Variants in PRKCB observed in about 807,000 individuals in gnomAD.
The protein encoded by PRKCB is protein kinase C beta type.
A neutral mutation model predicts 81.5 loss-of-function variants in PRKCB; 13 were observed. The ratio of observed to expected loss-of-function variants is 0.16; its 90% CI spans 0.10 to 0.25. The LOEUF (loss-of-function observed/expected upper bound fraction) is 0.25, where lower values mean the gene tolerates loss of function less well. Ranked by LOEUF, PRKCB falls within the 10% of genes least tolerant of loss-of-function variation. The pLI is 1.00. For missense variants in PRKCB, 509 were observed against 875.7 expected (o/e 0.58, Z 5.29); for synonymous variants, 335 against 321.4 (o/e 1.04, Z -0.45).
At chr16:23,840,749 T>C (rs940127927) in intron 2 of PRKCB, among the ~76,000 whole-genome samples, 1 of 152,092 alleles carries the variant, frequency 6.6e-6, no homozygotes, top group Non-Finnish European at 1.5e-5. Flanking sequence ...CTGCTATGGG[T>C]TGGGAGAGGA....
chr16:23,964,316 T>C (rs1258003232), intron 2 of PRKCB, among the ~76,000 whole-genome samples: 2 of 152,226 alleles, frequency 1.3e-5, no homozygotes, highest in East Asian at 3.8e-4. Flanking sequence ...ACTGAATTCA[T>C]ACACACAGAA....
chr16:23,988,092 C>G (rs2141821362), intron 2 of PRKCB, among the ~76,000 whole-genome samples: 1 of 152,282 alleles, frequency 6.6e-6, no homozygotes, highest in Non-Finnish European at 1.5e-5. Flanking sequence ...GAACACCTCT[C>G]TTAAGTGTGA....
At chr16:23,857,734 G>GT in intron 2 of PRKCB, among the ~76,000 whole-genome samples, 1 of 152,020 alleles carries the variant, frequency 6.6e-6, no homozygotes, top group South Asian at 2.1e-4. Context: ...GTGTGTGTGT[G>GT]GGTGTGTGCG....
intron 3 of PRKCB, among the ~76,000 whole-genome samples, chr16:24,023,268 G>A (rs1300196165): frequency 6.6e-6 from 1 of 152,228 alleles, no homozygotes; most frequent in Non-Finnish European, 1.5e-5. Context: ...GGGAGTGATG[G>A]CTTACAGGCC....
intron 5 of PRKCB, among the ~76,000 whole-genome samples, chr16:24,074,457 G>T (rs960353872): frequency 3.3e-5 from 5 of 152,188 alleles, no homozygotes; most frequent in Non-Finnish European, 7.3e-5. Flanking sequence ...TTCTTGTAAG[G>T]ATTCAATGAG....
intron 10 of PRKCB, among the ~76,000 whole-genome samples, chr16:24,166,545 A>G (rs1387759833): frequency 6.6e-6 from 1 of 152,230 alleles, no homozygotes; most frequent in Non-Finnish European, 1.5e-5. Context: ...ATACGTTAAA[A>G]CAAATACAAA....
chr16:24,085,310 G>T (rs1001748723), intron 5 of PRKCB, among the ~76,000 whole-genome samples: 1 of 152,126 alleles, frequency 6.6e-6, no homozygotes, highest in Non-Finnish European at 1.5e-5. Context: ...ACTTCACGTC[G>T]TCTATTATTC....
intron 8 of PRKCB, among the ~76,000 whole-genome samples, chr16:24,120,273 T>C (rs1268532681): frequency 6.6e-6 from 1 of 152,134 alleles, no homozygotes; most frequent in Admixed American, 6.5e-5. Flanking sequence ...TTGGGTTACA[T>C]GGGTGTGCAC....
At chr16:24,157,124 A>T (rs1282191482) in intron 10 of PRKCB, among the ~76,000 whole-genome samples, 2 of 152,212 alleles carry the variant, frequency 1.3e-5, no homozygotes, top group Non-Finnish European at 1.5e-5. Context: ...TTCTGGAATT[A>T]GAGAGTAGGG....
chr16:24,031,151 T>C (rs1965546629), intron 3 of PRKCB, among the ~76,000 whole-genome samples: 1 of 152,234 alleles, frequency 6.6e-6, no homozygotes, highest in Non-Finnish European at 1.5e-5. Flanking sequence ...CAAGTCTGCC[T>C]TTTACCACTG....
At chr16:24,177,487 A>T (rs1967553286) in intron 12 of PRKCB, among the ~76,000 whole-genome samples, 1 of 152,174 alleles carries the variant, frequency 6.6e-6, no homozygotes, top group South Asian at 2.1e-4. Flanking sequence ...ACTATAAATA[A>T]TGAAAATGAC....
intron 8 of PRKCB, among the ~76,000 whole-genome samples, chr16:24,122,096 CAAGT>C (rs1489518779): frequency 1.3e-5 from 2 of 152,124 alleles, no homozygotes; most frequent in African/African-American, 4.8e-5. Context: ...TAGAGAAAAT[CAAGT>C]AAGTAAGGCG....
At chr16:23,864,064 A>C (rs757977372) in intron 2 of PRKCB, among the ~76,000 whole-genome samples, 5 of 152,198 alleles carry the variant, frequency 3.3e-5, no homozygotes, top group Non-Finnish European at 7.3e-5. Flanking sequence ...GTTCCTTTGT[A>C]GGGCGACTAA....
At chr16:23,862,935 G>T (rs1351265844) in intron 2 of PRKCB, among the ~76,000 whole-genome samples, 1 of 149,086 alleles carries the variant, frequency 6.7e-6, no homozygotes, top group African/African-American at 2.6e-5. Flanking sequence ...CCGATATCTT[G>T]AGAACAAAGG....
chr16:24,126,433 C>T (rs1567384438), intron 9 of PRKCB, among the ~76,000 whole-genome samples: 1 of 152,162 alleles, frequency 6.6e-6, no homozygotes, highest in East Asian at 1.9e-4. Context: ...CTCTCTTGTC[C>T]AGGCTGGAAT....
intron 12 of PRKCB, among the ~76,000 whole-genome samples, chr16:24,177,053 C>G (rs1256270517): frequency 6.6e-6 from 1 of 152,176 alleles, no homozygotes; most frequent in Non-Finnish European, 1.5e-5. Flanking sequence ...GGACCTAACT[C>G]CTATGTGGGA....
intron 5 of PRKCB, among the ~76,000 whole-genome samples, chr16:24,060,571 G>A (rs1460464665): frequency 2.6e-5 from 4 of 152,322 alleles, no homozygotes; most frequent in South Asian, 2.1e-4. Context: ...CCCAAGCCAC[G>A]CAGAGTATTG....
At chr16:23,851,301 G>T (rs1490171040) in intron 2 of PRKCB, among the ~76,000 whole-genome samples, 1 of 152,160 alleles carries the variant, frequency 6.6e-6, no homozygotes, top group Admixed American at 6.5e-5. Flanking sequence ...TCTACATGTG[G>T]ATATCCAGTT....
chr16:24,109,021 G>C (rs201295610), intron 7 of PRKCB, among the ~76,000 whole-genome samples: 2 of 140,790 alleles, frequency 1.4e-5, no homozygotes, highest in Non-Finnish European at 3.0e-5. Flanking sequence ...GCGGCTGGCC[G>C]GGCGGGGGGC....
Sources: allele counts gnomAD v4.1 joint callset (sites outside exome capture counted in the v4.1 genomes callset), GRCh38; gene constraint gnomAD v4.1.1; transcripts MANE v1.5; gene names NCBI Gene and HGNC (gene_info 2026-07-23, HGNC 2026-07-21).